The following ADAMTS14 variants were observed in gnomAD, a reference collection of about 807,000 sequenced individuals.
The protein encoded by ADAMTS14 is A disintegrin and metalloproteinase with thrombospondin motifs 14.
ADAMTS14 carries 100 observed loss-of-function variants against 128.6 expected under a neutral mutation model. The observed-to-expected ratio is 0.78, with a 90% CI of 0.66 to 0.92. ADAMTS14 has a LOEUF of 0.92. Among genes scored for constraint, ADAMTS14 ranks in the 40% least tolerant of loss-of-function variants. The pLI is 0.00. For missense variants in ADAMTS14, 1,562 were observed against 1,658.6 expected, an observed-to-expected ratio of 0.94 and a Z score of 1.01; for synonymous variants, 665 against 653.8, an observed-to-expected ratio of 1.02 and a Z score of -0.26.
chr10:70,714,777 G>A (rs749684181), intron 4 of ADAMTS14, among the ~76,000 whole-genome samples: 257 of 151,774 alleles, frequency 1.7e-3, no homozygotes, highest in Admixed American at 3.2e-3. Context: ...GCGAAACCCC[G>A]TCTTTACTAA....
At chr10:70,752,282 C>T (rs1022313545) in intron 18 of ADAMTS14, 55 bp downstream of exon 18, 2 of 1,595,656 alleles carry the variant, frequency 1.3e-6, no homozygotes, top group African/African-American at 1.3e-5. Context: ...GCCCGGGCCC[C>T]AGGCAGCGGG....
chr10:70,758,919 T>C (rs896325361), intron 21 of ADAMTS14, among the ~76,000 whole-genome samples: 3 of 152,172 alleles, frequency 2.0e-5, no homozygotes, highest in Non-Finnish European at 4.4e-5. Context: ...GATTCTTCAC[T>C]CCTTTCCTAG....
chr10:70,674,528 G>C (rs777280185), intron 1 of ADAMTS14, 28 bp from the exon 2 acceptor site: 2 of 1,595,940 alleles, frequency 1.3e-6, no homozygotes, highest in Non-Finnish European at 1.7e-6. Flanking sequence ...CGACTGCATT[G>C]AAGTGACTCT....
At chr10:70,721,166 A>C (rs1841248798) in intron 4 of ADAMTS14, among the ~76,000 whole-genome samples, 1 of 151,318 alleles carries the variant, frequency 6.6e-6, no homozygotes, top group Non-Finnish European at 1.5e-5. Flanking sequence ...CTGGTATTAC[A>C]GGTGCATGTC....
Position 70,721,578 on chromosome 10 carries a change from G to A in ADAMTS14, c.871-7716G>A, listed in dbSNP as rs142157660. ...TTTTTTCTGTATTGTTAGTAGAGAC[G>A]GGGTTTCACCGTGTTAGCCAGGATG... On this transcript the variant is annotated intron_variant, in intron 4 of 21. Coordinates refer to ENST00000373207, the MANE Select transcript of ADAMTS14 (RefSeq NM_080722.4). Among the ~76,000 whole-genome samples the A allele has an allele frequency of 8.2e-3, 1,249 of 151,668 alleles. 17 individuals carry two copies. Among genetic ancestry groups the A allele is most frequent in the African/African-American group, 0.028 (1,174 of 41,340 alleles).
In ADAMTS14 at chr10:70,738,981, A is replaced by T; in HGVS notation, c.1739A>T (p.Asn580Ile). ...GTGCGATCCCGCAGCCGGAGCTGCA[A>T]CAACCCCTCGTGAGTGTGCTTGGCT... ...GGVRSRSRSC[N>I]NPSPAYGGRL... Residue 580 changes from asparagine (N) to isoleucine (I), a missense_variant, in exon 11 of 22, where the codon AAC becomes ATC. Transcript: ENST00000373207. 1 of 1,609,746 alleles carries T rather than the reference A, an allele frequency of 6.2e-7. No individual in the cohort carries two copies. Among genetic ancestry groups the T allele is most frequent in the Non-Finnish European group, 8.5e-7 (1 of 1,177,930 alleles).
Position 70,672,899 on chromosome 10 carries a change from GGC to G in ADAMTS14, c.82+21_82+22del. 1 of 1,454,976 alleles carries G rather than the reference GGC, an allele frequency of 6.9e-7. No individual in the cohort carries two copies. Among genetic ancestry groups the G allele is most frequent in the South Asian group, 1.4e-5 (1 of 71,844 alleles). 90.1% of individuals were successfully genotyped at this position (1,454,976 alleles called of 1,614,324 possible). ...CCGGACCCCAGGTGCGTGCGGGTTG[GGC>G]GCGCGGGGGCCCGTGGGGTCCGGGG... On this transcript the variant is annotated intron_variant, in intron 1 of 21. Coordinates refer to ENST00000373207, the MANE Select transcript of ADAMTS14 (RefSeq NM_080722.4).
Position 70,753,927 on chromosome 10 carries a change from G to A in ADAMTS14, c.2857G>A (p.Ala953Thr), listed in dbSNP as rs766945225. 1.3e-6 allele frequency: 2 copies of A among 1,588,268 alleles called. No homozygotes were observed. Among genetic ancestry groups the A allele is most frequent in the South Asian group, 1.2e-5 (1 of 86,616 alleles). The change falls in exon 19 of 22, where the codon GCC (alanine) becomes ACC (threonine). Residue 953 changes from alanine to threonine, a missense_variant. Transcript: ENST00000373207. ...CAAGGTCATGCCGGCCAAAGCCTGC[G>A]CCGGGGACCGGCCTGAGGCCCGACG... is the stretch of plus-strand genomic sequence containing the variant. ...THKVMPAKAC[A>T]GDRPEARRPC... is the part of the protein sequence containing the mutation.
intron 2 of ADAMTS14, among the ~76,000 whole-genome samples, chr10:70,684,567 C>G (rs980262430): frequency 6.6e-6 from 1 of 152,254 alleles, no homozygotes; most frequent in African/African-American, 2.4e-5. Context: ...CGTCTCTGAG[C>G]CTCAGTTTAT....
chr10:70,730,511 G>A (rs1052627393), intron 6 of ADAMTS14, among the ~76,000 whole-genome samples: 6 of 152,338 alleles, frequency 3.9e-5, no homozygotes, highest in African/African-American at 9.6e-5. Context: ...TGTGCTTAAT[G>A]TCCCAGAGCC....
At chr10:70,731,168 G>A (rs938528885) in intron 6 of ADAMTS14, among the ~76,000 whole-genome samples, 1 of 152,078 alleles carries the variant, frequency 6.6e-6, no homozygotes. Context: ...ATAAGCCAGT[G>A]TGTACATGTA....
chr10:70,732,394 G>T lies in ADAMTS14; in HGVS notation c.1208+35G>T, dbSNP rs774132145. ...AGCAGCACGGTGGGTGGGACTGGCA[G>T]CTGTGCCGTGAGCTCCAGGGAATTC... is the stretch of plus-strand genomic sequence containing the variant. On this transcript the variant is annotated intron_variant, in intron 7 of 21. Transcript: ENST00000373207. The T allele has an allele frequency of 5.8e-6, 9 of 1,554,074 alleles. No homozygotes were observed. In the Admixed American group the frequency reaches 1.3e-4, roughly 23 times the overall value.
At chr10:70,734,086 G>C (rs1841743783) in intron 8 of ADAMTS14, 58 bp downstream of exon 8, 2 of 1,580,060 alleles carry the variant, frequency 1.3e-6, no homozygotes, top group Non-Finnish European at 1.7e-6. Flanking sequence ...GCCACTCTGA[G>C]CAGACATCAC....
chr10:70,699,532 G>A (rs1002326989), intron 2 of ADAMTS14, among the ~76,000 whole-genome samples: 2 of 152,124 alleles, frequency 1.3e-5, no homozygotes, highest in Non-Finnish European at 2.9e-5. Flanking sequence ...AACTGGGGAG[G>A]TTGTCAAAGT....
At chr10:70,684,013 A>G (rs1221677842) in intron 2 of ADAMTS14, among the ~76,000 whole-genome samples, 2 of 152,136 alleles carry the variant, frequency 1.3e-5, no homozygotes, top group Admixed American at 6.6e-5. Context: ...AGGTTTAATC[A>G]GCTCACAGTT....
intron 4 of ADAMTS14, among the ~76,000 whole-genome samples, chr10:70,711,859 G>A (rs1266447078): frequency 6.6e-6 from 1 of 152,162 alleles, no homozygotes; most frequent in African/African-American, 2.4e-5. Flanking sequence ...GCAGAGTTCT[G>A]TCTGCAGTGT....
chr10:70,749,945 T>C lies in ADAMTS14; in HGVS notation c.2387T>C (p.Leu796Pro). The change falls in exon 16 of 22, where the codon CTC (leucine) becomes CCC (proline). Residue 796 changes from leucine to proline, a missense_variant. Physicochemically the swap from Leu to Pro is moderately conservative, Grantham distance 98. Transcript: ENST00000373207. ...EDAVEDAKES[L>P]KTSGPLPEAI... ...GCGGTGGAGGATGCCAAGGAAAGCC[T>C]CAAGACCAGCGGGCCCCTGCCTGAA... The C allele has an allele frequency of 6.2e-7, 1 of 1,614,054 alleles. No individual in the cohort carries two copies. Among genetic ancestry groups the C allele is most frequent in the East Asian group, 2.2e-5 (1 of 44,866 alleles).
At chr10:70,731,383 T>G (rs920151247) in intron 6 of ADAMTS14, among the ~76,000 whole-genome samples, 1 of 152,080 alleles carries the variant, frequency 6.6e-6, no homozygotes, top group Non-Finnish European at 1.5e-5. Context: ...CTTGCTATAC[T>G]CCCCAAACCA....
chr10:70,699,243 C>T (rs555542909), intron 2 of ADAMTS14, among the ~76,000 whole-genome samples: 2 of 152,306 alleles, frequency 1.3e-5, no homozygotes, highest in African/African-American at 4.8e-5. Flanking sequence ...AGTTACTTAA[C>T]CCTTCTGAAC....
Sources: gnomAD v4.1 joint callset for allele counts (sites outside exome capture counted in the v4.1 genomes callset) on GRCh38, gnomAD v4.1.1 for gene constraint, MANE v1.5 for transcripts, NCBI Gene and HGNC (gene_info 2026-07-23, HGNC 2026-07-21) for gene names.